Variants in ABCA4 observed in about 807,000 individuals in gnomAD.
ABCA4 encodes the protein ATP binding cassette subfamily A member 4.
In ABCA4, 196 loss-of-function variants were observed where a neutral mutation model predicts 263.7. The observed-to-expected ratio is 0.74, with a 90% CI of 0.66 to 0.84. The LOEUF (loss-of-function observed/expected upper bound fraction) is 0.84, where lower values mean the gene tolerates loss of function less well. Ranked by LOEUF, ABCA4 falls within the 40% of genes least tolerant of loss-of-function variation. ABCA4 has a pLI of 0.00. For synonymous variants in ABCA4, 1,133 were observed against 1,094.2 expected, an observed-to-expected ratio of 1.04 and a Z score of -0.70; for missense variants, 2,792 against 2,855.1, an observed-to-expected ratio of 0.98 and a Z score of 0.50.
At chr1:94,018,188 C>A (rs1196822391) in intron 36 of ABCA4, among the ~76,000 whole-genome samples, 1 of 150,654 alleles carries the variant, frequency 6.6e-6, no homozygotes, top group Non-Finnish European at 1.5e-5. Context: ...TGTAAGCGCA[C>A]ACGCGCGTGC....
chr1:94,106,856 C>T (rs1451403887), intron 4 of ABCA4, among the ~76,000 whole-genome samples: 2 of 152,116 alleles, frequency 1.3e-5, no homozygotes, highest in African/African-American at 2.4e-5. Flanking sequence ...GAATCCCCTC[C>T]TTCCCTCCAC....
At chr1:94,090,990 A>G (rs1006954348) in intron 6 of ABCA4, among the ~76,000 whole-genome samples, 3 of 152,150 alleles carry the variant, frequency 2.0e-5, no homozygotes, top group African/African-American at 7.2e-5. Context: ...TGTGAGAGTG[A>G]GGACAGTGTC....
At chr1:94,003,442 A>G (rs569762116) in intron 44 of ABCA4, among the ~76,000 whole-genome samples, 1 of 150,388 alleles carries the variant, frequency 6.6e-6, no homozygotes, top group Admixed American at 6.6e-5. Context: ...TCCAATCTGG[A>G]TTCTACATAA....
In ABCA4 at chr1:94,113,106, C is replaced by T. The variant is rs746405018; in HGVS notation, c.67-40G>A. 5 of 1,585,444 alleles carry T rather than the reference C, an allele frequency of 3.2e-6. No individual in the cohort carries two copies. In the South Asian group the frequency reaches 5.5e-5, roughly 18 times the overall value. ...CAAAAAGAGAGAAAGTTCAGTGGTG[C>T]TAAGAGATTATAGAAAACGTAACCA... On this transcript the variant is annotated intron_variant, in intron 1 of 49. Coordinates refer to ENST00000370225, the MANE Select transcript of ABCA4 (RefSeq NM_000350.3).
chr1:94,109,304 T>A, intron 3 of ABCA4, among the ~76,000 whole-genome samples: 1 of 152,308 alleles, frequency 6.6e-6, no homozygotes, highest in South Asian at 2.1e-4. Flanking sequence ...CAGGGTGACA[T>A]TGGTGGATAT....
chr1:94,045,628 C>T (rs1417550427), intron 19 of ABCA4: 2 of 408,620 alleles, frequency 4.9e-6, no homozygotes, highest in African/African-American at 4.1e-5. Flanking sequence ...CCAGCTCTGT[C>T]CCTGAGTTCT....
At chr1:94,024,248 G>A (rs957314930) in intron 31 of ABCA4, among the ~76,000 whole-genome samples, 5 of 152,096 alleles carry the variant, frequency 3.3e-5, no homozygotes, top group African/African-American at 4.8e-5. Context: ...ACTGGACCAC[G>A]CTTCCTTAGG....
chr1:94,079,905 T>C (rs756245151), intron 8 of ABCA4, among the ~76,000 whole-genome samples: 1 of 152,078 alleles, frequency 6.6e-6, no homozygotes, highest in African/African-American at 2.4e-5. Context: ...TTTTGGCATG[T>C]CCCTTGCTGC....
rs1489868696 is a variant in ABCA4 at position 94,031,066 on chromosome 1, G to A, written c.4183C>T (p.Pro1395Ser). The A allele has an allele frequency of 5.6e-6, 9 of 1,613,998 alleles. No individual in the cohort carries two copies. Among genetic ancestry groups the A allele is most frequent in the Non-Finnish European group, 3.4e-6 (4 of 1,180,042 alleles). The part of the protein sequence containing the change: ...FLALMLSIVI[P>S]PFGEYPALTL... ...AAAGCGGGGTATTCGCCAAAAGGAG[G>A]GATAACAATAGAAAGCATCAGAGCC... Residue 1395 changes from proline (P) to serine (S), a missense_variant, in exon 28 of 50, where the codon CCT becomes TCT. Physicochemically the swap from Pro to Ser is moderately conservative, Grantham distance 74. Transcript: ENST00000370225.
chr1:94,011,452 G>T (rs1659546097), intron 38 of ABCA4, 67 bp from the exon 39 acceptor site: 1 of 1,609,806 alleles, frequency 6.2e-7, no homozygotes. Flanking sequence ...CAGCAGGTGG[G>T]GCCCAGATGC....
chr1:94,028,119 T>A (rs1348072904), intron 30 of ABCA4, among the ~76,000 whole-genome samples: 1 of 152,214 alleles, frequency 6.6e-6, no homozygotes, highest in African/African-American at 2.4e-5. Flanking sequence ...TCACAGGTGA[T>A]AAAATTAAGG....
chr1:94,106,966 AC>A (rs533906372), intron 4 of ABCA4, among the ~76,000 whole-genome samples: 141 of 151,812 alleles, frequency 9.3e-4, no homozygotes, highest in African/African-American at 3.3e-3. Context: ...TCATCTCTCC[AC>A]CCCCAGAGAC....
In ABCA4 at chr1:94,077,808, A is replaced by G; in HGVS notation, c.1436T>C (p.Leu479Pro). ...CCGAGGGCCCTTGTAGAGGAAGTTT[A>G]GGATGGCTTCAGCAGTAATACCTTC... ...GEEGITAEAI[L>P]NFLYKGPRES... Residue 479 changes from leucine to proline, a missense_variant, in exon 11 of 50, where the codon CTA becomes CCA. Physicochemically the swap from Leu to Pro is moderately conservative, Grantham distance 98 (BLOSUM62 -3). Transcript: ENST00000370225. The G allele has an allele frequency of 2.5e-6, 4 of 1,614,250 alleles. No individual in the cohort carries two copies. The highest frequency in any genetic ancestry group is 2.5e-6 in the Non-Finnish European group (3 of 1,180,040).
In ABCA4 at chr1:94,031,096, A is replaced by C. The variant is rs758424704; in HGVS notation, c.4153T>G (p.Phe1385Val). 11 of 1,614,164 alleles carry C rather than the reference A, an allele frequency of 6.8e-6. No individual in the cohort carries two copies. The highest frequency in any genetic ancestry group is 7.6e-6 in the Non-Finnish European group (9 of 1,180,012). The change falls in exon 28 of 50, where the codon TTT (phenylalanine) becomes GTT (valine). Residue 1385 changes from phenylalanine (F) to valine (V), a missense_variant. By Grantham distance (50) the Phe-to-Val change is conservative. Coordinates refer to ENST00000370225, the MANE Select transcript of ABCA4 (RefSeq NM_000350.3). ...AQIVLPATFV[F>V]LALMLSIVIP... Reference sequence around the variant, plus strand: ...ACAATAGAAAGCATCAGAGCCAAAAACACAAAGGTAGCCGGGAGCACGATC... The same window carrying C: ...ACAATAGAAAGCATCAGAGCCAAAACCACAAAGGTAGCCGGGAGCACGATC...
At chr1:94,055,422 T>C in intron 15 of ABCA4, 107 bp from the exon 16 acceptor site, 1 of 1,112,722 alleles carries the variant, frequency 9.0e-7, no homozygotes, top group East Asian at 2.5e-5. Flanking sequence ...AGGGTCCCCA[T>C]TGTCTCTCAG....
chr1:93,999,645 A>G (rs1228606022), intron 47 of ABCA4, among the ~76,000 whole-genome samples: 1 of 152,158 alleles, frequency 6.6e-6, no homozygotes, highest in Non-Finnish European at 1.5e-5. Context: ...ATCCTGTGTC[A>G]GTCATAACTG....
At position 94,029,493 on chromosome 1, in the gene ABCA4, G is replaced by T; in HGVS notation, c.4491C>A (p.Thr1497=). 6.3e-7 allele frequency: 1 copy of T among 1,591,476 alleles called. No homozygotes were observed. Among genetic ancestry groups the T allele is most frequent in the Non-Finnish European group, 8.6e-7 (1 of 1,167,504 alleles). ...CACCCTCGGGGCACTCTGGCAGCAT[G>T]GTGAGCTTCTCCCTGGTGCTGCACC... ...SCRCSTREKL[T]MLPECPEGAG... The change falls in exon 30 of 50, where the codon ACC becomes ACA. Residue 1497 remains threonine (T), a synonymous_variant. Transcript: ENST00000370225.
chr1:94,080,327 A>T, intron 8 of ABCA4, 151 bp downstream of exon 8: 1 of 1,062,328 alleles, frequency 9.4e-7, no homozygotes, highest in Non-Finnish European at 1.4e-6. Flanking sequence ...CTGCAAGGGG[A>T]AGTGGACTTT....
intron 11 of ABCA4, 139 bp downstream of exon 11, chr1:94,077,551 A>G: frequency 1.3e-6 from 1 of 778,622 alleles, no homozygotes; most frequent in Non-Finnish European, 2.1e-6. Flanking sequence ...AGAACTGTAC[A>G]GGGGATGTAG....
Sources: gnomAD v4.1 joint callset for allele counts (sites outside exome capture counted in the v4.1 genomes callset) on GRCh38, gnomAD v4.1.1 for gene constraint, MANE v1.5 for transcripts, NCBI Gene and HGNC (gene_info 2026-07-23, HGNC 2026-07-21) for gene names.